STPG2: variants seen among roughly 807,000 people sequenced by gnomAD.
STPG2 encodes sperm tail PG-rich repeat containing 2, also known as sperm-tail PG-rich repeat-containing protein 2.
STPG2 carries 56 observed loss-of-function variants against 54.2 expected under a neutral mutation model. The ratio of observed to expected loss-of-function variants is 1.03; its 90% CI spans 0.83 to 1.29. STPG2 has a LOEUF of 1.29. Ranked by LOEUF, STPG2 falls within the 50% of genes most tolerant of loss-of-function variation. The probability of loss-of-function intolerance (pLI) is 0.00; values close to 1 mark genes in which losing one functional copy is unlikely to be tolerated. For synonymous variants in STPG2, 200 were observed against 181.8 expected (o/e 1.10, Z -0.81); for missense variants, 596 against 544.9 (o/e 1.09, Z -0.93).
At chr4:97,589,485 T>A (rs1733084110) in intron 10 of STPG2, among the ~76,000 whole-genome samples, 1 of 152,166 alleles carries the variant, frequency 6.6e-6, no homozygotes, top group Admixed American at 6.5e-5. Flanking sequence ...TATATTAATT[T>A]AATAATTCAT....
intron 6 of STPG2, among the ~76,000 whole-genome samples, chr4:97,976,593 T>C (rs1447790337): frequency 1.3e-5 from 2 of 152,164 alleles, no homozygotes; most frequent in Non-Finnish European, 2.9e-5. Flanking sequence ...GGGTGCCTTA[T>C]AGTAGTAACT....
intron 10 of STPG2, among the ~76,000 whole-genome samples, chr4:97,583,182 A>G (rs1732903276): frequency 6.6e-6 from 1 of 151,972 alleles, no homozygotes. Flanking sequence ...AAGAAGAGAT[A>G]AGTGTCCAGA....
At chr4:97,792,860 T>C (rs776738169) in intron 9 of STPG2, among the ~76,000 whole-genome samples, 2 of 152,138 alleles carry the variant, frequency 1.3e-5, no homozygotes, top group Non-Finnish European at 2.9e-5. Context: ...CATTCAAAAG[T>C]CACTTTCCTG....
intron 5 of STPG2, among the ~76,000 whole-genome samples, chr4:97,991,856 T>C (rs965777190): frequency 3.2e-4 from 48 of 152,256 alleles, no homozygotes; most frequent in African/African-American, 1.1e-3. Flanking sequence ...CTAACAATTA[T>C]TGATGTTCAG....
chr4:97,585,551 G>A (rs79178214), intron 10 of STPG2, among the ~76,000 whole-genome samples: 353 of 152,056 alleles, frequency 2.3e-3, no homozygotes, highest in Non-Finnish European at 4.0e-3. Context: ...AGAGAATCTT[G>A]TCACAGCAAG....
At chr4:98,026,299 A>C (rs1283192814) in intron 5 of STPG2, 14 of 668,158 alleles carry the variant, frequency 2.1e-5, no homozygotes, top group Non-Finnish European at 3.4e-5. Flanking sequence ...ATTTTCAGAT[A>C]AAGACAATAA....
chr4:97,846,355 G>A lies in STPG2; in HGVS notation c.1045-5423C>T, dbSNP rs115147349. On this transcript the variant is annotated intron_variant, in intron 8 of 10. Transcript: ENST00000295268. ...AAAAACCAGGAAGGCCACTGGGTGT[G>A]GTGGCTCATGCCTGTAATCCCAGCA... Among the ~76,000 whole-genome samples the A allele has an allele frequency of 4.3e-3, 648 of 152,160 alleles. 5 individuals are homozygous for A. The highest frequency in any genetic ancestry group is 0.015 in the African/African-American group (607 of 41,516).
chr4:97,474,387 G>A (rs72885594), intron 4 of STPG2, among the ~76,000 whole-genome samples: 2 of 152,070 alleles, frequency 1.3e-5, no homozygotes, highest in East Asian at 3.8e-4. Flanking sequence ...ATGGAGGTTG[G>A]GGGGTGGATA....
chr4:97,972,434 C>A lies in STPG2; in HGVS notation c.779G>T (p.Gly260Val), dbSNP rs777525477. 2.0e-6 allele frequency: 3 copies of A among 1,515,520 alleles called. No individual in the cohort carries two copies. The highest frequency in any genetic ancestry group is 2.6e-5 in the South Asian group (2 of 76,120). The allele number at this position is 1,515,520 out of a possible 1,614,324, so 93.9% of individuals were successfully genotyped here. Reference protein sequence around the residue: ...DIRTEEMPGPGFYNVLNNTII... With the variant: ...DIRTEEMPGPVFYNVLNNTII... The stretch of plus-strand genomic sequence containing the variant: ...AGTATTGTTCAAGACATTATAAAAT[C>A]CAGGACCTAAAATTATTAGAAGTAT... The change falls in exon 7 of 11, where the codon GGA becomes GTA. Residue 260 changes from glycine (G) to valine (V), a missense_variant. Transcript: ENST00000295268.
chr4:97,604,982 C>T (rs1733557525), intron 10 of STPG2, among the ~76,000 whole-genome samples: 1 of 151,714 alleles, frequency 6.6e-6, no homozygotes, highest in Non-Finnish European at 1.5e-5. Flanking sequence ...CTTATACTCT[C>T]TAAAAAATAA....
intron 4 of STPG2, among the ~76,000 whole-genome samples, chr4:97,552,585 G>A (rs545866299): frequency 2.6e-5 from 4 of 151,846 alleles, no homozygotes; most frequent in Non-Finnish European, 4.4e-5. Context: ...TTTCAGAAAA[G>A]GTAAGCCTAA....
At position 97,943,895 on chromosome 4, in the gene STPG2, A is replaced by G. The variant is rs150178155; in HGVS notation, c.1044+2T>C. On this transcript the variant is annotated splice_donor_variant, in intron 8 of 10. Transcript: ENST00000295268. LOFTEE classifies it high-confidence loss of function. ...AATATTTGATTGTAGGAGTATTCTT[A>G]CCATATCTGGTACTTTCATAGTTCT... 42 of 1,554,048 alleles carry G rather than the reference A, an allele frequency of 2.7e-5. No individual in the cohort carries two copies. Among genetic ancestry groups the G allele is most frequent in the Non-Finnish European group, 3.5e-5 (40 of 1,154,094 alleles).
At chr4:97,812,393 G>A (rs945009925) in intron 9 of STPG2, among the ~76,000 whole-genome samples, 13 of 152,032 alleles carry the variant, frequency 8.6e-5, no homozygotes, top group African/African-American at 2.9e-4. Flanking sequence ...TCACAGAAAT[G>A]TTTCTGAAAA....
intron 5 of STPG2, among the ~76,000 whole-genome samples, chr4:97,996,434 C>T (rs1257438747): frequency 1.3e-5 from 2 of 152,080 alleles, no homozygotes; most frequent in Admixed American, 6.5e-5. Context: ...TAAACTGGAT[C>T]CCTTTCTTAC....
At position 97,476,971 on chromosome 4, in the gene STPG2, G is replaced by A. The variant is rs146220607; in HGVS notation, c.462+235728C>T. ...AAAAGACAGTTGGATAATTAATTTC[G>A]GAGTTTGGGGACAAAACCACAGCCA... On this transcript the variant is annotated intron_variant, in intron 4 of 4. Transcript: ENST00000522676. 5.4e-3 allele frequency among the ~76,000 whole-genome samples: 816 copies of A among 152,156 alleles called. 4 individuals are homozygous for A. The highest frequency in any genetic ancestry group is 0.021 in the South Asian group (103 of 4,814).
chr4:97,882,551 A>G lies in STPG2; in HGVS notation c.1045-41619T>C, dbSNP rs140491532. On this transcript the variant is annotated intron_variant, in intron 8 of 10. Transcript: ENST00000295268. ...CAAGGTCATGGATCTGACTAAAGCT[A>G]TGGCTAAGCTAGGACAATGTAGACT... is the stretch of plus-strand genomic sequence containing the variant. 9.2e-5 allele frequency among the ~76,000 whole-genome samples: 14 copies of G among 152,304 alleles called. 1 individual carries two copies. The Middle Eastern group carries it at 0.01, about 111-fold the overall frequency.
At chr4:97,997,457 C>A (rs552119451) in intron 5 of STPG2, among the ~76,000 whole-genome samples, 1 of 152,030 alleles carries the variant, frequency 6.6e-6, no homozygotes, top group Admixed American at 6.6e-5. Flanking sequence ...CCAGATCTCA[C>A]GAGAACTCAC....
chr4:98,121,270 C>T (rs1739671531), intron 3 of STPG2, among the ~76,000 whole-genome samples: 1 of 152,102 alleles, frequency 6.6e-6, no homozygotes, highest in African/African-American at 2.4e-5. Context: ...TCTACCAGGA[C>T]CAAGCTGTTT....
chr4:97,588,198 C>T (rs764321328), intron 10 of STPG2, among the ~76,000 whole-genome samples: 2 of 151,662 alleles, frequency 1.3e-5, no homozygotes, highest in Non-Finnish European at 2.9e-5. Context: ...GCCAATATGA[C>T]GAACCCCATC....
Sources: allele counts gnomAD v4.1 joint callset (sites outside exome capture counted in the v4.1 genomes callset), GRCh38; gene constraint gnomAD v4.1.1; transcripts MANE v1.5; gene names NCBI Gene and HGNC (gene_info 2026-07-23, HGNC 2026-07-21).